The following USP31 variants were observed in gnomAD, a reference collection of about 807,000 sequenced individuals.
USP31 encodes ubiquitin carboxyl-terminal hydrolase 31.
In USP31, 44 loss-of-function variants were observed where a neutral mutation model predicts 119.4. The ratio of observed to expected loss-of-function variants is 0.37; its 90% confidence interval spans 0.29 to 0.47. USP31 has a LOEUF of 0.47. Ranked by LOEUF, USP31 falls within the 20% of genes least tolerant of loss-of-function variation. USP31 has a pLI of 0.99. For missense variants in USP31, 1,643 were observed against 1,730.2 expected, an observed-to-expected ratio of 0.95 and a Z score of 0.89; for synonymous variants, 749 against 705.6, an observed-to-expected ratio of 1.06 and a Z score of -0.97.
chr16:23,068,589 G>A lies in USP31; in HGVS notation c.3516C>T (p.Ser1172=). The A allele has an allele frequency of 6.2e-7, 1 of 1,614,220 alleles. No homozygotes were observed. The highest frequency in any genetic ancestry group is 1.1e-5 in the South Asian group (1 of 91,084). The change falls in exon 16 of 16, where the codon TCC becomes TCT. Residue 1172 remains serine, a synonymous_variant. Transcript: ENST00000219689. The part of the protein sequence containing the change: ...SLGSDRASAT[S]TSKPNSPRVS... ...CCCGAGGGGAATTGGGTTTGGAGGT[G>A]GAGGTGGCGCTGGCTCTGTCAGAAC...
chr16:23,111,144 ATAAT>A (rs1434051013), intron 1 of USP31, among the ~76,000 whole-genome samples: 2 of 152,040 alleles, frequency 1.3e-5, no homozygotes, highest in African/African-American at 4.8e-5. Context: ...AAATAAATAA[ATAAT>A]TAATTAAATA....
intron 1 of USP31, among the ~76,000 whole-genome samples, chr16:23,144,774 G>A (rs566375448): frequency 2.0e-5 from 3 of 152,214 alleles, no homozygotes; most frequent in East Asian, 1.9e-4. Flanking sequence ...GAGCCACTGC[G>A]TCCTGCCTTA....
chr16:23,098,440 C>T (rs1458947774), intron 6 of USP31, among the ~76,000 whole-genome samples: 1 of 152,098 alleles, frequency 6.6e-6, no homozygotes, highest in East Asian at 1.9e-4. Flanking sequence ...ATCAAGCTAC[C>T]AATGACTTTC....
At chr16:23,101,786 G>C (rs767279938) in intron 6 of USP31, among the ~76,000 whole-genome samples, 5 of 152,074 alleles carry the variant, frequency 3.3e-5, no homozygotes, top group Non-Finnish European at 5.9e-5. Context: ...TCCAGGCACA[G>C]TGGGGAGACA....
chr16:23,069,415 T>C lies in USP31; in HGVS notation c.2690A>G (p.Glu897Gly). Residue 897 changes from glutamate (E) to glycine (G), a missense_variant, in exon 16 of 16, where the codon GAG (glutamate) becomes GGG (glycine). By Grantham distance (98) the Glu-to-Gly change is moderately conservative. Around this residue, in one of 5 missense-constraint regions of USP31, gnomAD observed 699 missense variants for 650.9 expected, o/e 1.07. Coordinates refer to ENST00000219689, the MANE Select transcript of USP31 (RefSeq NM_020718.4). ...SPIHSSASTL[E>G]KIGEAADDKV... ...GTCATCTGCTGCCTCCCCAATCTTC[T>C]CCAAGGTGGAAGCAGAGCTGTGAAT... 1 of 1,613,864 alleles carries C rather than the reference T, an allele frequency of 6.2e-7. No individual in the cohort carries two copies. Among genetic ancestry groups the C allele is most frequent in the Non-Finnish European group, 8.5e-7 (1 of 1,179,816 alleles).
rs1412428605 is a variant in USP31, at chr16:23,068,634, C to G, written c.3471G>C (p.Glu1157Asp). 1.9e-6 allele frequency: 3 copies of G among 1,614,106 alleles called. No homozygotes were observed. Among genetic ancestry groups the G allele is most frequent in the East Asian group, 2.2e-5 (1 of 44,894 alleles). The change falls in exon 16 of 16, where the codon GAG becomes GAC. Residue 1157 changes from glutamate to aspartate, a missense_variant. Around this residue, in one of 5 missense-constraint regions of USP31, gnomAD observed 699 missense variants for 650.9 expected, o/e 1.07. Transcript: ENST00000219689. ...CAGAACCCAAGCTTTGTCTGGAGCC[C>G]TCTCTACTCAAGCTGTGGTCTGAAG... Reference protein sequence around the residue: ...SRTSDHSLSREGSRQSLGSDR... With the variant: ...SRTSDHSLSRDGSRQSLGSDR...
intron 9 of USP31, 70 bp downstream of exon 9, chr16:23,087,022 A>G (rs1901137903): frequency 8.7e-7 from 1 of 1,153,798 alleles, no homozygotes; most frequent in Non-Finnish European, 1.2e-6. Flanking sequence ...ATTATATAAG[A>G]CATCACTTGA....
rs1002225442 is a variant in USP31, at chr16:23,067,472, T to C, written c.*574A>G. On this transcript the variant is annotated 3_prime_UTR_variant, in exon 16 of 16. Coordinates refer to ENST00000219689, the MANE Select transcript of USP31 (RefSeq NM_020718.4). The stretch of plus-strand genomic sequence containing the variant: ...AACCATCCTAGACTAGCTGAGTATA[T>C]ACCTGAGAAACATTAGTGTTAAAAT... The C allele has an allele frequency of 6.5e-6, 1 of 153,300 alleles. No individual in the cohort carries two copies. Among genetic ancestry groups the C allele is most frequent in the Non-Finnish European group, 1.5e-5 (1 of 68,534 alleles). The allele number at this position is 153,300 out of a possible 1,614,324, so 9.5% of individuals were successfully genotyped here.
chr16:23,140,517 T>C (rs1460780104), intron 1 of USP31, among the ~76,000 whole-genome samples: 2 of 152,196 alleles, frequency 1.3e-5, no homozygotes, highest in African/African-American at 4.8e-5. Context: ...CCATGCTATA[T>C]CTATACCTCT....
chr16:23,087,738 T>A lies in USP31; in HGVS notation c.1513A>T (p.Thr505Ser), dbSNP rs61760226. ...LEKMKYFLRP[T>S]VCIQVCPFSL... ...TGCTTACAAACCTGAATGCAAACCG[T>A]GGGCCTCAAGAAATACTTCATCTTC... Residue 505 changes from threonine to serine, a missense_variant, in exon 8 of 16, where the codon ACG (threonine) becomes TCG (serine). Transcript: ENST00000219689. The A allele has an allele frequency of 1.7e-3, 2,691 of 1,614,084 alleles. 1 individual carries two copies. Among genetic ancestry groups the A allele is most frequent in the Non-Finnish European group, 2.1e-3 (2,442 of 1,179,990 alleles).
intron 7 of USP31, among the ~76,000 whole-genome samples, chr16:23,090,270 C>T (rs1459758267): frequency 1.3e-5 from 2 of 152,182 alleles, no homozygotes; most frequent in Non-Finnish European, 1.5e-5. Flanking sequence ...CCTATAATCC[C>T]AGCTACTCGG....
At chr16:23,078,382 T>C (rs925474707) in intron 13 of USP31, among the ~76,000 whole-genome samples, 3 of 151,254 alleles carry the variant, frequency 2.0e-5, no homozygotes, top group Admixed American at 2.0e-4. Flanking sequence ...GTTACAATAC[T>C]AGGCGTGAAG....
chr16:23,086,224 T>C (rs1901101886), intron 9 of USP31, among the ~76,000 whole-genome samples: 1 of 152,170 alleles, frequency 6.6e-6, no homozygotes, highest in African/African-American at 2.4e-5. Context: ...TGGATTGTTG[T>C]CTACTAACTC....
At chr16:23,078,241 G>C (rs988520532) in intron 13 of USP31, among the ~76,000 whole-genome samples, 19 of 151,234 alleles carry the variant, frequency 1.3e-4, no homozygotes, top group Admixed American at 9.2e-4. Flanking sequence ...GAACCCGGGA[G>C]GCGGAGGTTA....
intron 6 of USP31, among the ~76,000 whole-genome samples, chr16:23,092,614 T>C (rs907831127): frequency 6.6e-6 from 1 of 152,204 alleles, no homozygotes; most frequent in African/African-American, 2.4e-5. Context: ...TATTTTTTAC[T>C]GTAATGCAAT....
At chr16:23,080,898 G>A (rs963515742) in intron 12 of USP31, among the ~76,000 whole-genome samples, 1 of 152,230 alleles carries the variant, frequency 6.6e-6, no homozygotes, top group African/African-American at 2.4e-5. Context: ...CCAGCCTGAA[G>A]AATCTGGAGT....
chr16:23,113,207 A>G (rs1312295114), intron 1 of USP31, among the ~76,000 whole-genome samples: 1 of 152,146 alleles, frequency 6.6e-6, no homozygotes, highest in African/African-American at 2.4e-5. Flanking sequence ...ATAGAGGAAG[A>G]GATTAGGGGA....
At chr16:23,105,700 G>A in intron 4 of USP31, 124 bp from the exon 5 acceptor site, 4 of 1,136,760 alleles carry the variant, frequency 3.5e-6, no homozygotes, top group Non-Finnish European at 4.6e-6. Flanking sequence ...TTACTCGGAA[G>A]CCCAAATGGA....
intron 1 of USP31, among the ~76,000 whole-genome samples, chr16:23,135,181 A>C (rs1007868788): frequency 2.0e-5 from 3 of 151,934 alleles, no homozygotes; most frequent in Admixed American, 6.5e-5. Flanking sequence ...GAATACAAGG[A>C]AACTTCCTCA....
Sources: gnomAD v4.1 joint callset for allele counts (sites outside exome capture counted in the v4.1 genomes callset) on GRCh38, gnomAD v4.1.1 for gene constraint, gnomAD v4.1.1 regional missense constraint, MANE v1.5 for transcripts, NCBI Gene and HGNC (gene_info 2026-07-23, HGNC 2026-07-21) for gene names.